DNMT1: variants seen among roughly 807,000 people sequenced by gnomAD.
The protein encoded by DNMT1 is DNA (cytosine-5)-methyltransferase 1.
Under a neutral mutation model 205.3 loss-of-function variants are expected in DNMT1, and 24 were observed. The observed-to-expected ratio is 0.12, with a 90% CI of 0.08 to 0.16. The LOEUF is 0.16. Among genes scored for constraint, DNMT1 ranks in the 10% least tolerant of loss-of-function variants. The pLI is 1.00. For synonymous variants in DNMT1, 817 were observed against 839.8 expected (o/e 0.97, Z 0.47); for missense variants, 1,293 against 2,177.7 (o/e 0.59, Z 8.09).
rs547214084 is a variant in DNMT1, at chr19:10,154,833, A to G, written c.1645-60T>C. On this transcript the variant is annotated intron_variant, in intron 20 of 40. Coordinates refer to ENST00000359526, the MANE Select transcript of DNMT1 (RefSeq NM_001130823.3). This position sits in a 1 kb window ranked among gnomAD's most constrained non-coding sequence, Gnocchi z 6.3. ...CAAACTGGCCTAAATCCAACTGAAG[A>G]ACAGTGTCTGCTGGTTCTGAAGGCA... 182 of 1,614,166 alleles carry G rather than the reference A, an allele frequency of 1.1e-4. 1 individual carries two copies. In the Middle Eastern group the frequency reaches 1.6e-3, roughly 15 times the overall value.
At chr19:10,169,910 T>C (rs2038777523) in intron 9 of DNMT1, among the ~76,000 whole-genome samples, 1 of 152,306 alleles carries the variant, frequency 6.6e-6, no homozygotes, top group South Asian at 2.1e-4. Flanking sequence ...GGACTGCTTG[T>C]TCTGAAACAA....
At chr19:10,177,164 G>T (rs1306103252) in intron 6 of DNMT1, 128 bp downstream of exon 6, 10 of 836,310 alleles carry the variant, frequency 1.2e-5, no homozygotes, top group Non-Finnish European at 2.0e-5. Flanking sequence ...TAAATGTCTA[G>T]AGAACAGAAC....
rs992035736 is a variant in DNMT1, at chr19:10,173,136, G to C, written c.722C>G (p.Ala241Gly). Residue 241 changes from alanine (A) to glycine (G), a missense_variant, in exon 9 of 41, where the codon GCA becomes GGA. By Grantham distance (60) the Ala-to-Gly change is moderately conservative. Around this residue, in one of 13 missense-constraint regions of DNMT1, gnomAD observed 394 missense variants for 451.6 expected, o/e 0.87. Coordinates refer to ENST00000359526, the MANE Select transcript of DNMT1 (RefSeq NM_001130823.3). Reference sequence around the variant, plus strand: ...CTTTTCAGTGCGCGTTCCTGATTTTGCTCTTTCAGGTTCTTCTGCAGGAAG... The same window carrying C: ...CTTTTCAGTGCGCGTTCCTGATTTTCCTCTTTCAGGTTCTTCTGCAGGAAG... ...RPLPAEEPER[A>G]KSGTRTEKEE... 1.2e-6 allele frequency: 2 copies of C among 1,614,050 alleles called. No individual in the cohort carries two copies. Among genetic ancestry groups the C allele is most frequent in the Non-Finnish European group, 1.7e-6 (2 of 1,180,014 alleles).
intron 29 of DNMT1, 108 bp downstream of exon 29, chr19:10,143,658 T>G (rs1355352814): frequency 2.3e-6 from 3 of 1,296,456 alleles, no homozygotes; most frequent in Non-Finnish European, 3.3e-6. Flanking sequence ...AACAGCTACT[T>G]CAACCTAACT....
At chr19:10,181,403 T>C (rs975835500) in intron 2 of DNMT1, among the ~76,000 whole-genome samples, 5 of 151,648 alleles carry the variant, frequency 3.3e-5, no homozygotes, top group Admixed American at 1.3e-4. Context: ...GAGCCAAAAT[T>C]GTGCCACTGC....
chr19:10,166,784 G>A lies in DNMT1; in HGVS notation c.804-99C>T. On this transcript the variant is annotated intron_variant, in intron 10 of 40. Coordinates refer to ENST00000359526, the MANE Select transcript of DNMT1 (RefSeq NM_001130823.3). ...AGGGCTGACACAAGCTCCTCCCCAG[G>A]TTCAGAGGACAGGCTGCCTCTCCTG... 3 of 1,303,238 alleles carry A rather than the reference G, an allele frequency of 2.3e-6. No homozygotes were observed. In the South Asian group the frequency reaches 3.6e-5, roughly 16 times the overall value. The allele number at this position is 1,303,238 out of a possible 1,614,324, so 80.7% of individuals were successfully genotyped here. A position where few individuals can be genotyped will look rare whatever the true frequency, so the allele number is the denominator to read the frequency against.
intron 30 of DNMT1, 152 bp downstream of exon 30, chr19:10,141,876 G>A (rs2089607222): frequency 2.3e-6 from 2 of 852,214 alleles, no homozygotes; most frequent in Admixed American, 2.6e-5. Context: ...CCCCCGTAAA[G>A]CTCCTGCAGA....
rs1162031330 is a variant in DNMT1, at chr19:10,138,280, G to A, written c.4115+159C>T. 6.6e-6 allele frequency among the ~76,000 whole-genome samples: 1 copy of A among 152,232 alleles called. No individual in the cohort carries two copies. Among genetic ancestry groups the A allele is most frequent in the African/African-American group, 2.4e-5 (1 of 41,470 alleles). ...CAGATGATGCAGGGTCAGAACTGGA[G>A]ACCACAGGTGGCAGAGTGCCATGTG... is the stretch of plus-strand genomic sequence containing the variant. On this transcript the variant is annotated intron_variant, in intron 35 of 40. Coordinates refer to ENST00000359526, the MANE Select transcript of DNMT1 (RefSeq NM_001130823.3). The surrounding 1 kb of genome is among the most constrained non-coding windows in gnomAD (Gnocchi z 4.1).
intron 1 of DNMT1, among the ~76,000 whole-genome samples, chr19:10,183,548 A>G (rs910629519): frequency 1.3e-5 from 2 of 152,198 alleles, no homozygotes; most frequent in Non-Finnish European, 2.9e-5. Flanking sequence ...GCGAAACTCC[A>G]TCTCTACAAA....
intron 39 of DNMT1, 118 bp downstream of exon 39, chr19:10,135,618 G>A (rs1450377146): frequency 1.9e-6 from 2 of 1,070,212 alleles, no homozygotes; most frequent in Non-Finnish European, 2.8e-6. Context: ...GAGTGATGGG[G>A]CTACCCGGCA....
chr19:10,141,205 C>T lies in DNMT1; in HGVS notation c.3310-16G>A. On this transcript the variant is annotated splice_polypyrimidine_tract_variant and intron_variant, in intron 30 of 40. Transcript: ENST00000359526. ...CATTATAGGCCTGAAAAGGAGAGAACTGCAATCGTTTGGGAGAGAAACGCA... is the reference window on the plus strand; with the variant it reads ...CATTATAGGCCTGAAAAGGAGAGAATTGCAATCGTTTGGGAGAGAAACGCA... The T allele has an allele frequency of 6.2e-7, 1 of 1,613,436 alleles. No homozygotes were observed. The highest frequency in any genetic ancestry group is 8.5e-7 in the Non-Finnish European group (1 of 1,179,626).
At chr19:10,175,100 C>T (rs969226625) in intron 7 of DNMT1, among the ~76,000 whole-genome samples, 1 of 121,504 alleles carries the variant, frequency 8.2e-6, no homozygotes, top group African/African-American at 3.0e-5. Context: ...CACACACACA[C>T]ACACACACAC....
intron 1 of DNMT1, among the ~76,000 whole-genome samples, chr19:10,193,428 C>T (rs567406238): frequency 2.0e-5 from 3 of 152,066 alleles, no homozygotes; most frequent in Non-Finnish European, 4.4e-5. Context: ...AGCGCGATCT[C>T]AGCTCGCTAC....
At chr19:10,160,096 G>C (rs551767713) in intron 14 of DNMT1, 33 bp from the exon 15 acceptor site, 2 of 1,610,732 alleles carry the variant, frequency 1.2e-6, no homozygotes, top group East Asian at 4.5e-5. Flanking sequence ...AAGATCGTTT[G>C]TTTAATTGTT....
At chr19:10,158,674 C>G (rs1200018102) in intron 17 of DNMT1, among the ~76,000 whole-genome samples, 1 of 152,188 alleles carries the variant, frequency 6.6e-6, no homozygotes, top group Non-Finnish European at 1.5e-5. Flanking sequence ...GGTGAAGGTA[C>G]GGGCCGGACG....
intron 13 of DNMT1, among the ~76,000 whole-genome samples, chr19:10,160,824 T>C (rs1387611764): frequency 3.9e-5 from 6 of 152,084 alleles, no homozygotes; most frequent in African/African-American, 1.4e-4. Context: ...GACGTAGAGG[T>C]TGCAGTAAGC....
chr19:10,155,504 A>C (rs1159950765), intron 19 of DNMT1, among the ~76,000 whole-genome samples: 1 of 151,944 alleles, frequency 6.6e-6, no homozygotes, highest in Admixed American at 6.6e-5. Flanking sequence ...TGCGTGGCTA[A>C]TTTTTGTATT....
chr19:10,142,008 C>G lies in DNMT1; in HGVS notation c.3309+20G>C, dbSNP rs745984339. On this transcript the variant is annotated intron_variant, in intron 30 of 40. Transcript: ENST00000359526. Reference sequence around the variant, plus strand: ...CAACTTTGACCCCGAAGCCTTCCCTCTAGCAAGCAGGGGCACCACCTCGAG... The same window carrying G: ...CAACTTTGACCCCGAAGCCTTCCCTGTAGCAAGCAGGGGCACCACCTCGAG... 130 of 1,611,460 alleles carry G rather than the reference C, an allele frequency of 8.1e-5. 1 individual carries two copies. Among genetic ancestry groups the G allele is most frequent in the Non-Finnish European group, 1.0e-4 (121 of 1,178,490 alleles).
Position 10,172,102 on chromosome 19 carries a change from A to G in DNMT1, c.768+988T>C, listed in dbSNP as rs190191137. On this transcript the variant is annotated intron_variant, in intron 9 of 40. Coordinates refer to ENST00000359526, the MANE Select transcript of DNMT1 (RefSeq NM_001130823.3). The stretch of plus-strand genomic sequence containing the variant: ...TCATAACCCACCTTCCATGTAGAGA[A>G]CTACAAAAAAATAAGTTTGAAAAGT... Among the ~76,000 whole-genome samples, 694 of 152,100 alleles carry G rather than the reference A, an allele frequency of 4.6e-3. 11 individuals are homozygous for G. Among genetic ancestry groups the G allele is most frequent in the East Asian group, 0.012 (61 of 5,184 alleles).
Sources: gnomAD v4.1 joint callset for allele counts (sites outside exome capture counted in the v4.1 genomes callset) on GRCh38, gnomAD v4.1.1 for gene constraint, gnomAD v4.1.1 regional missense constraint, Gnocchi (gnomAD v3.1) non-coding constraint, MANE v1.5 for transcripts, NCBI Gene and HGNC (gene_info 2026-07-23, HGNC 2026-07-21) for gene names.